GARRE1: variants seen among roughly 807,000 people sequenced by gnomAD.
GARRE1 encodes the protein granule associated Rac and RHOG effector protein 1.
A neutral mutation model predicts 103.2 loss-of-function variants in GARRE1; 49 were observed. The ratio of observed to expected loss-of-function variants is 0.47; its 90% CI spans 0.38 to 0.60. The LOEUF (loss-of-function observed/expected upper bound fraction) is 0.60, where lower values mean the gene tolerates loss of function less well. GARRE1 is among the 20% of genes least tolerant of loss of function. The probability of loss-of-function intolerance (pLI) is 0.00; values close to 1 mark genes in which losing one functional copy is unlikely to be tolerated. For synonymous variants in GARRE1, 505 were observed against 532.8 expected (o/e 0.95, Z 0.72); for missense variants, 1,199 against 1,370.5 (o/e 0.87, Z 1.98).
In GARRE1 at chr19:34,333,505, G is replaced by C. The variant is rs534031265; in HGVS notation, c.1264-199G>C. Among the ~76,000 whole-genome samples the C allele has an allele frequency of 1.4e-3, 216 of 152,268 alleles. 2 individuals carry two copies. The highest frequency in any genetic ancestry group is 5.1e-3 in the African/African-American group (211 of 41,556). On this transcript the variant is annotated intron_variant, in intron 7 of 13. Coordinates refer to ENST00000299505, the MANE Select transcript of GARRE1 (RefSeq NM_014686.5). ...ATTCCATGCCCAGAATGTGGTTTCT[G>C]TTTATTGAAATGTTCTTAGTTTTGG...
chr19:34,312,135 G>C (rs902799325), intron 2 of GARRE1, among the ~76,000 whole-genome samples: 16 of 151,974 alleles, frequency 1.1e-4, no homozygotes, highest in African/African-American at 3.6e-4. Context: ...TTTTGTTTTT[G>C]TTTTGTTATA....
intron 1 of GARRE1, among the ~76,000 whole-genome samples, chr19:34,264,398 CT>C (rs924213933): frequency 3.8e-4 from 55 of 146,220 alleles, no homozygotes; most frequent in Non-Finnish European, 3.8e-4. Context: ...GATGACATGT[CT>C]TTTTTTTTTT....
In GARRE1 at chr19:34,353,016, G is replaced by A; in HGVS notation, c.*61G>A. 7.2e-7 allele frequency: 1 copy of A among 1,398,140 alleles called. No homozygotes were observed. Among genetic ancestry groups the A allele is most frequent in the Non-Finnish European group, 9.6e-7 (1 of 1,044,002 alleles). The allele number at this position is 1,398,140 out of a possible 1,614,324, so 86.6% of individuals were successfully genotyped here. On this transcript the variant is annotated 3_prime_UTR_variant, in exon 14 of 14. Coordinates refer to ENST00000299505, the MANE Select transcript of GARRE1 (RefSeq NM_014686.5). ...CCCGCCCAGAGCTGTGGGGATGAGT[G>A]TCCCCACCCCAGGGCCACTTAGCTG... is the stretch of plus-strand genomic sequence containing the variant.
At chr19:34,280,486 T>A (rs2073845278) in intron 1 of GARRE1, among the ~76,000 whole-genome samples, 1 of 152,196 alleles carries the variant, frequency 6.6e-6, no homozygotes, top group South Asian at 2.1e-4. Context: ...CATATGTGAT[T>A]TATAAATATT....
intron 3 of GARRE1, among the ~76,000 whole-genome samples, chr19:34,323,171 A>G (rs1214754622): frequency 4.6e-5 from 7 of 151,108 alleles, no homozygotes. Context: ...AGCTGGGACT[A>G]CAGGTGCCTG....
intron 1 of GARRE1, among the ~76,000 whole-genome samples, chr19:34,299,346 G>A (rs1381704119): frequency 6.6e-6 from 1 of 152,226 alleles, no homozygotes; most frequent in African/African-American, 2.4e-5. Context: ...GAGTACTCAT[G>A]TGATCCTCCT....
chr19:34,341,699 C>T lies in GARRE1; in HGVS notation c.1765C>T (p.Gln589Ter). Residue 589 changes from glutamine to a stop codon, truncating the protein, a stop_gained, in exon 10 of 14, where the codon CAA becomes TAA. Transcript: ENST00000299505. LOFTEE classifies it high-confidence loss of function. ...GCCTGGCAATATTGATACAAGGTTA[C>T]AAAGCATTTTGAACATTGGTAATTT... is the stretch of plus-strand genomic sequence containing the variant. ...KMPGNIDTRL[Q>*]SILNIGNFPR... 1 of 1,614,208 alleles carries T rather than the reference C, an allele frequency of 6.2e-7. No homozygotes were observed. Among genetic ancestry groups the T allele is most frequent in the Non-Finnish European group, 8.5e-7 (1 of 1,180,038 alleles).
intron 1 of GARRE1, among the ~76,000 whole-genome samples, chr19:34,289,672 C>T (rs1044467512): frequency 6.6e-6 from 1 of 151,090 alleles, no homozygotes; most frequent in East Asian, 2.0e-4. Flanking sequence ...TGCAGTGCGC[C>T]AAGATCATGC....
chr19:34,277,441 A>G (rs1029022020), intron 1 of GARRE1, among the ~76,000 whole-genome samples: 12 of 152,330 alleles, frequency 7.9e-5, no homozygotes, highest in Non-Finnish European at 1.8e-4. Flanking sequence ...ATACGTTTGA[A>G]AAGACCTATG....
chr19:34,345,144 G>A (rs113067931), intron 10 of GARRE1, among the ~76,000 whole-genome samples: 4,681 of 152,060 alleles, frequency 0.031, 240 homozygotes, highest in African/African-American at 0.11. Flanking sequence ...ATAGAGATGG[G>A]GTTTTGCCAT....
chr19:34,299,584 T>C (rs1428160174), intron 1 of GARRE1, 95 bp from the exon 2 acceptor site: 1 of 152,250 alleles, frequency 6.6e-6, no homozygotes, highest in Non-Finnish European at 1.5e-5. Context: ...TTCTTATTCA[T>C]TTGTAGCCCA....
intron 1 of GARRE1, among the ~76,000 whole-genome samples, chr19:34,293,908 G>C (rs1206061596): frequency 6.6e-6 from 1 of 151,212 alleles, no homozygotes; most frequent in Non-Finnish European, 1.5e-5. Context: ...ATAGGCACGC[G>C]TCACTACACC....
rs1027628384 is a variant in GARRE1 at position 34,354,143 on chromosome 19, C to T, written c.*1188C>T. On this transcript the variant is annotated 3_prime_UTR_variant, in exon 14 of 14. Transcript: ENST00000299505. Reference sequence around the variant, plus strand: ...TTATATAAAACTTATTTAAATTTTTCATATTTCATCTTTGAAAAAGTCTGA... The same window carrying T: ...TTATATAAAACTTATTTAAATTTTTTATATTTCATCTTTGAAAAAGTCTGA... The T allele has an allele frequency of 2.6e-5, 4 of 152,442 alleles. No individual in the cohort carries two copies. Among genetic ancestry groups the T allele is most frequent in the African/African-American group, 9.7e-5 (4 of 41,394 alleles). 9.4% of individuals were successfully genotyped at this position (152,442 alleles called of 1,614,324 possible).
intron 1 of GARRE1, among the ~76,000 whole-genome samples, chr19:34,271,544 G>A (rs547944123): frequency 2.1e-3 from 320 of 151,868 alleles, no homozygotes; most frequent in Non-Finnish European, 3.7e-3. Context: ...CACCACGCCC[G>A]GCCCCTTCTG....
At chr19:34,258,664 C>CCTG (rs747001265) in intron 1 of GARRE1, among the ~76,000 whole-genome samples, 4 of 152,034 alleles carry the variant, frequency 2.6e-5, no homozygotes, top group Non-Finnish European at 5.9e-5. Context: ...GCGATGGGCG[C>CCTG]CTGTAGTCCC....
chr19:34,255,769 G>C (rs1201823097), intron 1 of GARRE1, among the ~76,000 whole-genome samples: 1 of 151,640 alleles, frequency 6.6e-6, no homozygotes, highest in East Asian at 1.9e-4. Context: ...CAAAGTGTTG[G>C]GATTACAAGT....
chr19:34,296,293 T>C, intron 1 of GARRE1: 3 of 718,946 alleles, frequency 4.2e-6, no homozygotes, highest in Non-Finnish European at 7.3e-6. Flanking sequence ...GAAGCCTTTG[T>C]AGGGGCCTGG....
rs770572065 is a variant in GARRE1 at position 34,300,755 on chromosome 19, T to C, written c.282T>C (p.Ser94=). ...CCCTGAACGTCTTCTGCCGTGCCAG[T>C]ACTTTCCTCACAGATCTCTTCAGCA... The part of the protein sequence containing the change: ...LDALNVFCRA[S]TFLTDLFSTV... The change falls in exon 2 of 14, where the codon AGT becomes AGC. Residue 94 remains serine, a synonymous_variant. Transcript: ENST00000299505. The C allele has an allele frequency of 1.2e-5, 19 of 1,614,110 alleles. No individual in the cohort carries two copies. In the Admixed American group the frequency reaches 1.8e-4, roughly 16 times the overall value.
At chr19:34,277,255 T>C (rs2073822278) in intron 1 of GARRE1, among the ~76,000 whole-genome samples, 1 of 152,162 alleles carries the variant, frequency 6.6e-6, no homozygotes. Flanking sequence ...TTATTCAAAG[T>C]GCCAGGGACC....
Sources: gnomAD v4.1 joint callset for allele counts (sites outside exome capture counted in the v4.1 genomes callset) on GRCh38, gnomAD v4.1.1 for gene constraint, MANE v1.5 for transcripts, NCBI Gene and HGNC (gene_info 2026-07-23, HGNC 2026-07-21) for gene names.